Variants in TBC1D19 observed in about 807,000 individuals in gnomAD.
The protein encoded by TBC1D19 is TBC1 domain family member 19.
Under a neutral mutation model 89.0 loss-of-function variants are expected in TBC1D19, and 60 were observed. The ratio of observed to expected loss-of-function variants is 0.67; its 90% CI spans 0.55 to 0.84. The LOEUF is 0.84. Among genes scored for constraint, TBC1D19 ranks in the 40% least tolerant of loss-of-function variants. TBC1D19 has a pLI of 0.00. For synonymous variants in TBC1D19, 189 were observed against 199.7 expected (o/e 0.95, Z 0.45); for missense variants, 500 against 610.8 (o/e 0.82, Z 1.91).
chr4:26,735,973 T>C (rs1214729974), intron 16 of TBC1D19, among the ~76,000 whole-genome samples: 2 of 147,472 alleles, frequency 1.4e-5, no homozygotes, highest in Non-Finnish European at 3.0e-5. Context: ...TCAACCATTG[T>C]GGAAGTCAGT....
intron 16 of TBC1D19, among the ~76,000 whole-genome samples, chr4:26,735,731 T>C (rs2109306219): frequency 6.6e-6 from 1 of 152,316 alleles, no homozygotes; most frequent in African/African-American, 2.4e-5. Context: ...CAAGTTATTA[T>C]GAACGTTTTA....
chr4:26,669,470 A>G (rs565495882), intron 9 of TBC1D19, among the ~76,000 whole-genome samples: 1 of 151,852 alleles, frequency 6.6e-6, no homozygotes, highest in Non-Finnish European at 1.5e-5. Flanking sequence ...TGTTAACATA[A>G]TGGTCCTCAG....
chr4:26,707,280 A>G (rs1715813710), intron 13 of TBC1D19, among the ~76,000 whole-genome samples: 1 of 152,030 alleles, frequency 6.6e-6, no homozygotes, highest in South Asian at 2.1e-4. Context: ...ACTTTTGTTA[A>G]TATATAATGT....
At chr4:26,664,537 T>C (rs1711609179) in intron 8 of TBC1D19, among the ~76,000 whole-genome samples, 1 of 152,056 alleles carries the variant, frequency 6.6e-6, no homozygotes. Context: ...GAAGAGTGCC[T>C]TAAAATAAAT....
chr4:26,714,641 A>G (rs896827225), intron 13 of TBC1D19, among the ~76,000 whole-genome samples: 3 of 152,126 alleles, frequency 2.0e-5, no homozygotes, highest in African/African-American at 7.2e-5. Context: ...ATATCATATT[A>G]TAAATACAAA....
the TBC1D19 span, among the ~76,000 whole-genome samples, chr4:26,762,152 T>TAAAA: frequency 6.6e-6 from 1 of 151,800 alleles, no homozygotes; most frequent in African/African-American, 2.4e-5. Context: ...AATAAATAAA[T>TAAAA]AAAACAGTAG....
chr4:26,581,093 T>G (rs922710254), upstream of TBC1D19, among the ~76,000 whole-genome samples: 1 of 152,230 alleles, frequency 6.6e-6, no homozygotes, highest in Admixed American at 6.5e-5. Flanking sequence ...TTTTAACTAT[T>G]CAGATAAAAT....
chr4:26,685,554 T>A (rs1713740013), intron 12 of TBC1D19, among the ~76,000 whole-genome samples: 1 of 152,190 alleles, frequency 6.6e-6, no homozygotes, highest in South Asian at 2.1e-4. Context: ...AAGAAAGAAA[T>A]TTGTTTAAAT....
intron 13 of TBC1D19, among the ~76,000 whole-genome samples, chr4:26,692,917 A>G (rs1426706374): frequency 1.3e-5 from 2 of 152,208 alleles, no homozygotes; most frequent in Non-Finnish European, 2.9e-5. Flanking sequence ...TGGCTGTGAT[A>G]TCGAGAAAGA....
At chr4:26,719,696 A>G (rs1553913793) in intron 14 of TBC1D19, among the ~76,000 whole-genome samples, 1 of 152,130 alleles carries the variant, frequency 6.6e-6, no homozygotes, top group Non-Finnish European at 1.5e-5. Flanking sequence ...AGCACATTCC[A>G]TAAAAGTGTA....
At chr4:26,687,028 G>C (rs1038267382) in intron 12 of TBC1D19, among the ~76,000 whole-genome samples, 2 of 145,938 alleles carry the variant, frequency 1.4e-5, no homozygotes, top group Admixed American at 6.8e-5. Flanking sequence ...TTTTTTGTTT[G>C]TTTGTTTGTT....
At chr4:26,768,636 G>A in the TBC1D19 span, among the ~76,000 whole-genome samples, 1 of 152,104 alleles carries the variant, frequency 6.6e-6, no homozygotes, top group Admixed American at 6.6e-5. Flanking sequence ...AGACATGGAA[G>A]ATATTAAAAA....
intron 4 of TBC1D19, among the ~76,000 whole-genome samples, chr4:26,623,951 A>G (rs1742229781): frequency 6.6e-6 from 1 of 152,198 alleles, no homozygotes; most frequent in Non-Finnish European, 1.5e-5. Context: ...TAAGCAGACG[A>G]ACCCTTATAG....
chr4:26,781,855 A>G, the TBC1D19 span, among the ~76,000 whole-genome samples: 1 of 152,186 alleles, frequency 6.6e-6, no homozygotes, highest in Non-Finnish European at 1.5e-5. Context: ...AAACTAATAA[A>G]AATGATTTGA....
chr4:26,624,754 G>T (rs1256556864), intron 4 of TBC1D19, among the ~76,000 whole-genome samples: 1 of 152,012 alleles, frequency 6.6e-6, no homozygotes, highest in Non-Finnish European at 1.5e-5. Context: ...CTATGCTGCA[G>T]AAATTCAGAA....
chr4:26,820,355 C>T, the TBC1D19 span, among the ~76,000 whole-genome samples: 1 of 152,184 alleles, frequency 6.6e-6, no homozygotes, highest in Non-Finnish European at 1.5e-5. Context: ...CCCTATCCTC[C>T]AACCTGGACC....
chr4:26,814,586 G>C, the TBC1D19 span, among the ~76,000 whole-genome samples: 1 of 152,208 alleles, frequency 6.6e-6, no homozygotes, highest in African/African-American at 2.4e-5. Flanking sequence ...TTGGGCAGAA[G>C]CACAGTGCTT....
At chr4:26,643,446 T>C (rs7688624) in intron 7 of TBC1D19, among the ~76,000 whole-genome samples, 88 of 152,296 alleles carry the variant, frequency 5.8e-4, no homozygotes, top group African/African-American at 1.8e-3. Context: ...GGGAAATTTA[T>C]AGCACTAAAT....
At chr4:26,631,085 G>C (rs1742776545) in intron 4 of TBC1D19, among the ~76,000 whole-genome samples, 1 of 152,040 alleles carries the variant, frequency 6.6e-6, no homozygotes, top group African/African-American at 2.4e-5. Context: ...TCTTGCAAGA[G>C]ATACCTTGGA....
Sources: gnomAD v4.1 joint callset for allele counts (sites outside exome capture counted in the v4.1 genomes callset) on GRCh38, gnomAD v4.1.1 for gene constraint, MANE v1.5 for transcripts, NCBI Gene and HGNC (gene_info 2026-07-23, HGNC 2026-07-21) for gene names.